Variants in NKAIN3 observed in about 807,000 individuals in gnomAD.
The protein encoded by NKAIN3 is sodium/potassium-transporting ATPase subunit beta-1-interacting protein 3.
In NKAIN3, 25 loss-of-function variants were observed where a neutral mutation model predicts 30.2. The ratio of observed to expected loss-of-function variants is 0.83; its 90% CI spans 0.60 to 1.16. The LOEUF is 1.16. NKAIN3 is among the 50% of genes most tolerant of loss of function. The pLI, the probability that NKAIN3 is intolerant of heterozygous loss-of-function variation, is 0.00. For missense variants in NKAIN3, 225 were observed against 254.1 expected, an observed-to-expected ratio of 0.89 and a Z score of 0.78; for synonymous variants, 91 against 89.6, an observed-to-expected ratio of 1.02 and a Z score of -0.09.
chr8:62,501,886 G>C (rs942996460), intron 1 of NKAIN3, among the ~76,000 whole-genome samples: 1 of 152,182 alleles, frequency 6.6e-6, no homozygotes, highest in Non-Finnish European at 1.5e-5. Flanking sequence ...TATGCTAAGT[G>C]ATGAGTCATG....
intron 1 of NKAIN3, among the ~76,000 whole-genome samples, chr8:62,441,749 G>T (rs1340534254): frequency 1.3e-5 from 2 of 151,160 alleles, no homozygotes; most frequent in Non-Finnish European, 3.0e-5. Flanking sequence ...CATTTTCTAG[G>T]ATCTTTAGTA....
intron 4 of NKAIN3, among the ~76,000 whole-genome samples, chr8:62,788,107 C>T (rs998048476): frequency 9.2e-5 from 14 of 152,126 alleles, no homozygotes; most frequent in Admixed American, 2.0e-4. Flanking sequence ...CCTGAGGAAT[C>T]GCCACACCGA....
At chr8:62,341,081 T>C (rs1815730030) in intron 1 of NKAIN3, among the ~76,000 whole-genome samples, 1 of 152,064 alleles carries the variant, frequency 6.6e-6, no homozygotes, top group African/African-American at 2.4e-5. Context: ...CTACAGCAAG[T>C]GTTTTGTGCT....
chr8:62,582,457 T>G (rs2130074628), intron 2 of NKAIN3, among the ~76,000 whole-genome samples: 1 of 152,148 alleles, frequency 6.6e-6, no homozygotes, highest in South Asian at 2.1e-4. Flanking sequence ...CCATGAGATG[T>G]CTAATGGGGT....
At chr8:62,678,915 C>T (rs1430227047) in intron 3 of NKAIN3, among the ~76,000 whole-genome samples, 1 of 151,962 alleles carries the variant, frequency 6.6e-6, no homozygotes, top group African/African-American at 2.4e-5. Context: ...AAGGCTGGAA[C>T]ACAAACAGGA....
chr8:62,334,547 G>A (rs540574870), intron 1 of NKAIN3, among the ~76,000 whole-genome samples: 4 of 152,164 alleles, frequency 2.6e-5, no homozygotes, highest in East Asian at 1.9e-4. Context: ...AAGACCATAC[G>A]TTTCCTAACT....
intron 4 of NKAIN3, chr8:62,856,612 T>C: frequency 1.3e-6 from 1 of 778,962 alleles, no homozygotes; most frequent in Non-Finnish European, 2.4e-6. Flanking sequence ...TTATGACTCA[T>C]CATGAACTGG....
In NKAIN3 at chr8:62,249,202, T is replaced by A. The variant is rs143223222; in HGVS notation, c.54+75T>A. 8.6e-5 allele frequency: 110 copies of A among 1,273,714 alleles called. 2 individuals are homozygous for A. The highest frequency in any genetic ancestry group is 2.1e-4 in the Middle Eastern group (1 of 4,662). 78.9% of individuals were successfully genotyped at this position (1,273,714 alleles called of 1,614,324 possible). ...CGGCCTCTGCGACTCCCTCTGCGGT[T>A]CCGCAGCTCCCGGCAAGGGGCGAAC... is the stretch of plus-strand genomic sequence containing the variant. On this transcript the variant is annotated intron_variant, in intron 1 of 6. Transcript: ENST00000623646.
chr8:62,524,682 C>G (rs758158939), intron 1 of NKAIN3, among the ~76,000 whole-genome samples: 1 of 152,282 alleles, frequency 6.6e-6, no homozygotes, highest in South Asian at 2.1e-4. Flanking sequence ...TAGCTACTTA[C>G]AACATTTCAA....
At chr8:62,810,900 C>G (rs1563573800) in intron 4 of NKAIN3, among the ~76,000 whole-genome samples, 1 of 151,980 alleles carries the variant, frequency 6.6e-6, no homozygotes, top group African/African-American at 2.4e-5. Context: ...GTACTTTTAC[C>G]TTGTTTTCCC....
chr8:62,759,376 AT>A (rs1816565780), intron 4 of NKAIN3, among the ~76,000 whole-genome samples: 1 of 152,160 alleles, frequency 6.6e-6, no homozygotes, highest in South Asian at 2.1e-4. Context: ...CCATTTCTTC[AT>A]CAATGGAGTA....
intron 1 of NKAIN3, among the ~76,000 whole-genome samples, chr8:62,528,350 T>TATATTATATAATATATA (rs1554543421): frequency 1.5e-5 from 2 of 137,394 alleles, no homozygotes; most frequent in South Asian, 4.5e-4. Context: ...AATATATATA[T>TATATTATATAATATATA]ATATGACTTT....
Position 62,979,407 on chromosome 8 carries a change from G to A in NKAIN3, c.*14000G>A, listed in dbSNP as rs1250576269. 1.3e-5 allele frequency: 2 copies of A among 152,092 alleles called. No homozygotes were observed. Among genetic ancestry groups the A allele is most frequent in the Non-Finnish European group, 2.9e-5 (2 of 68,040 alleles). 9.4% of individuals were successfully genotyped at this position (152,092 alleles called of 1,614,324 possible). On this transcript the variant is annotated 3_prime_UTR_variant, in exon 7 of 7. Coordinates refer to ENST00000623646, the MANE Select transcript of NKAIN3 (RefSeq NM_001304533.3). ...TCACTGATGATTTAAACAAGATTGG[G>A]TGACTTATTTATGTACACACACATC...
chr8:62,877,795 CT>C (rs1820844409), intron 4 of NKAIN3, among the ~76,000 whole-genome samples: 1 of 152,114 alleles, frequency 6.6e-6, no homozygotes, highest in African/African-American at 2.4e-5. Context: ...AATCCCAGCA[CT>C]TTGGGAGGCT....
In NKAIN3 at chr8:62,968,412, C is replaced by T. The variant is rs1823758810; in HGVS notation, c.*3005C>T. 6.6e-6 allele frequency among the ~76,000 whole-genome samples: 1 copy of T among 152,222 alleles called. No homozygotes were observed. Among genetic ancestry groups the T allele is most frequent in the Non-Finnish European group, 1.5e-5 (1 of 68,038 alleles). On this transcript the variant is annotated 3_prime_UTR_variant, in exon 7 of 7. Coordinates refer to ENST00000623646, the MANE Select transcript of NKAIN3 (RefSeq NM_001304533.3). ...TATCCAGTAGGGTTTTCAGCAAAGA[C>T]ATGGTCACTACATGCACTGTATGTT...
intron 3 of NKAIN3, among the ~76,000 whole-genome samples, chr8:62,729,131 T>C (rs1173799280): frequency 1.3e-5 from 2 of 150,160 alleles, no homozygotes; most frequent in Non-Finnish European, 3.0e-5. Context: ...AAATAAATAT[T>C]TGATAAAAGA....
At chr8:62,870,502 A>G (rs983977220) in intron 4 of NKAIN3, among the ~76,000 whole-genome samples, 25 of 138,084 alleles carry the variant, frequency 1.8e-4, no homozygotes, top group Non-Finnish European at 9.1e-5. Context: ...AGTACAATAT[A>G]TACAATATGT....
intron 3 of NKAIN3, among the ~76,000 whole-genome samples, chr8:62,646,807 CA>C (rs1812474380): frequency 6.6e-6 from 1 of 151,794 alleles, no homozygotes; most frequent in Non-Finnish European, 1.5e-5. Context: ...AAAAAATGAC[CA>C]AAAATATTTT....
chr8:62,744,776 A>T (rs1816013879), intron 3 of NKAIN3, among the ~76,000 whole-genome samples: 1 of 152,198 alleles, frequency 6.6e-6, no homozygotes, highest in South Asian at 2.1e-4. Context: ...CCCTTCAGAG[A>T]GTAACTGCAA....
Sources: gnomAD v4.1 joint callset for allele counts (sites outside exome capture counted in the v4.1 genomes callset) on GRCh38, gnomAD v4.1.1 for gene constraint, MANE v1.5 for transcripts, NCBI Gene and HGNC (gene_info 2026-07-23, HGNC 2026-07-21) for gene names.